UBE2E2: variants seen among roughly 807,000 people sequenced by gnomAD.
The protein encoded by UBE2E2 is ubiquitin conjugating enzyme E2 E2, also known as ubiquitin-conjugating enzyme E2 E2.
UBE2E2 carries 6 observed loss-of-function variants against 24.7 expected under a neutral mutation model. The observed-to-expected ratio is 0.24, with a 90% CI of 0.13 to 0.48. The LOEUF (loss-of-function observed/expected upper bound fraction) is 0.48, where lower values mean the gene tolerates loss of function less well. UBE2E2 is among the 20% of genes least tolerant of loss of function. UBE2E2 has a pLI of 0.99. For missense variants in UBE2E2, 169 were observed against 245.0 expected (o/e 0.69, Z 2.07); for synonymous variants, 104 against 83.6 (o/e 1.24, Z -1.33).
intron 3 of UBE2E2, among the ~76,000 whole-genome samples, chr3:23,228,177 T>C (rs995620459): frequency 6.6e-6 from 1 of 152,198 alleles, no homozygotes; most frequent in Non-Finnish European, 1.5e-5. Flanking sequence ...TTAAAAATAT[T>C]TATTTGCTAA....
chr3:23,405,595 A>G (rs575964685), intron 3 of UBE2E2, among the ~76,000 whole-genome samples: 2 of 152,270 alleles, frequency 1.3e-5, no homozygotes, highest in South Asian at 4.1e-4. Context: ...AAGTCAGGTG[A>G]AAAGTGAGGG....
chr3:23,316,634 C>T (rs1365753550), intron 3 of UBE2E2, among the ~76,000 whole-genome samples: 1 of 151,502 alleles, frequency 6.6e-6, no homozygotes, highest in Non-Finnish European at 1.5e-5. Context: ...GACAAAGTAC[C>T]CTTAATCTTT....
At chr3:23,576,570 A>G (rs1696352277) in intron 5 of UBE2E2, among the ~76,000 whole-genome samples, 1 of 152,204 alleles carries the variant, frequency 6.6e-6, no homozygotes, top group Non-Finnish European at 1.5e-5. Flanking sequence ...TCTATTTATA[A>G]TGCTAGTGCT....
intron 3 of UBE2E2, among the ~76,000 whole-genome samples, chr3:23,375,425 A>G (rs1559365734): frequency 6.6e-6 from 1 of 152,210 alleles, no homozygotes; most frequent in Non-Finnish European, 1.5e-5. Context: ...TTCAGGCACT[A>G]TAGTGAATAA....
chr3:23,483,815 G>C (rs190612040), intron 3 of UBE2E2, among the ~76,000 whole-genome samples: 1 of 152,276 alleles, frequency 6.6e-6, no homozygotes, highest in East Asian at 1.9e-4. Context: ...CCTTTTTGTT[G>C]TTGGGGCAGG....
chr3:23,357,194 T>G (rs1322670289), intron 3 of UBE2E2, among the ~76,000 whole-genome samples: 2 of 152,210 alleles, frequency 1.3e-5, no homozygotes, highest in African/African-American at 4.8e-5. Context: ...TCAGAATGGA[T>G]AAGTACAAAG....
chr3:23,566,012 T>TA (rs1428774417), intron 5 of UBE2E2, among the ~76,000 whole-genome samples: 17 of 152,178 alleles, frequency 1.1e-4, no homozygotes, highest in Admixed American at 3.3e-4. Context: ...CACTACATAT[T>TA]AATGCGTTGT....
chr3:23,239,325 A>G (rs1169092942), intron 3 of UBE2E2, among the ~76,000 whole-genome samples: 3 of 152,148 alleles, frequency 2.0e-5, no homozygotes, highest in Admixed American at 6.5e-5. Context: ...AAATTATGCA[A>G]TTCAGTAGTT....
At chr3:23,353,921 A>C (rs1317323428) in intron 3 of UBE2E2, among the ~76,000 whole-genome samples, 2 of 152,204 alleles carry the variant, frequency 1.3e-5, no homozygotes, top group Admixed American at 1.3e-4. Flanking sequence ...AAGAGCCTGC[A>C]TCGCCAAGTC....
chr3:23,275,618 T>C (rs1698358709), intron 3 of UBE2E2, among the ~76,000 whole-genome samples: 1 of 152,220 alleles, frequency 6.6e-6, no homozygotes, highest in African/African-American at 2.4e-5. Flanking sequence ...AAATTTTCTA[T>C]TGCTCTATAG....
At chr3:23,372,844 C>G (rs753067632) in intron 3 of UBE2E2, among the ~76,000 whole-genome samples, 1 of 152,148 alleles carries the variant, frequency 6.6e-6, no homozygotes, top group African/African-American at 2.4e-5. Context: ...ATCTCTGTGA[C>G]TGTTGTGCTT....
chr3:23,314,981 A>G (rs1490362089), intron 3 of UBE2E2, among the ~76,000 whole-genome samples: 3 of 152,178 alleles, frequency 2.0e-5, no homozygotes, highest in Admixed American at 6.5e-5. Context: ...TTGAATATCG[A>G]CAGTCTTTTT....
chr3:23,400,561 A>C (rs960739397), intron 3 of UBE2E2, among the ~76,000 whole-genome samples: 2 of 151,368 alleles, frequency 1.3e-5, no homozygotes, highest in Non-Finnish European at 2.9e-5. Flanking sequence ...TTACTTCTCA[A>C]AGTTCATCCT....
chr3:23,303,558 C>T (rs2125267125), intron 3 of UBE2E2, among the ~76,000 whole-genome samples: 1 of 152,134 alleles, frequency 6.6e-6, no homozygotes, highest in South Asian at 2.1e-4. Flanking sequence ...CTTTAGAAGT[C>T]ATATGATAAT....
At chr3:23,412,712 T>G (rs1697521940) in intron 3 of UBE2E2, among the ~76,000 whole-genome samples, 1 of 152,164 alleles carries the variant, frequency 6.6e-6, no homozygotes, top group Admixed American at 6.5e-5. Flanking sequence ...ACAACATACT[T>G]TAGTGCAGTG....
chr3:23,536,439 T>C (rs1055944682), intron 5 of UBE2E2, among the ~76,000 whole-genome samples: 2 of 152,228 alleles, frequency 1.3e-5, no homozygotes, highest in African/African-American at 4.8e-5. Flanking sequence ...CTCATTTCTA[T>C]TTGTCTGCTC....
chr3:23,237,126 G>A (rs1697133605), intron 3 of UBE2E2, among the ~76,000 whole-genome samples: 1 of 152,062 alleles, frequency 6.6e-6, no homozygotes, highest in Admixed American at 6.6e-5. Flanking sequence ...AAACCACATG[G>A]GGTTGTGTGA....
chr3:23,328,837 T>A (rs988066662), intron 3 of UBE2E2, among the ~76,000 whole-genome samples: 14 of 152,106 alleles, frequency 9.2e-5, no homozygotes, highest in Admixed American at 3.9e-4. Flanking sequence ...GATTTTTATA[T>A]TTTTTGTAGA....
chr3:23,237,753 G>T lies in UBE2E2; in HGVS notation c.227+20441G>T, dbSNP rs1697152359. On this transcript the variant is annotated intron_variant, in intron 3 of 5. Coordinates refer to ENST00000396703, the MANE Select transcript of UBE2E2 (RefSeq NM_152653.4). ...CGAATTGTAGAGGTCTTACGTCTTT[G>T]CTGGGCCTGCCACCATCAATAGTTT... 2.0e-5 allele frequency among the ~76,000 whole-genome samples: 3 copies of T among 151,976 alleles called. 1 individual carries two copies. Among genetic ancestry groups the T allele is most frequent in the Admixed American group, 2.0e-4 (3 of 15,248 alleles).
Sources: allele counts gnomAD v4.1 joint callset (sites outside exome capture counted in the v4.1 genomes callset), GRCh38; gene constraint gnomAD v4.1.1; transcripts MANE v1.5; gene names NCBI Gene and HGNC (gene_info 2026-07-23, HGNC 2026-07-21).